Variants in SRGN observed in about 807,000 individuals in gnomAD.
The protein encoded by SRGN is hematopoetic proteoglycan core peptide.
SRGN carries 2 observed loss-of-function variants against 9.5 expected under a neutral mutation model. That is an observed-to-expected ratio of 0.21 (90% CI 0.09 to 0.66). SRGN has a LOEUF of 0.66. Among genes scored for constraint, SRGN ranks in the 30% least tolerant of loss-of-function variants. The probability of loss-of-function intolerance (pLI) is 0.83; values close to 1 mark genes in which losing one functional copy is unlikely to be tolerated. For missense variants in SRGN, 170 were observed against 192.4 expected (o/e 0.88, Z 0.69); for synonymous variants, 59 against 72.3 (o/e 0.82, Z 0.93).
chr10:69,098,037 G>A (rs1045011225), intron 2 of SRGN, among the ~76,000 whole-genome samples: 3 of 152,202 alleles, frequency 2.0e-5, no homozygotes. Context: ...TGACATGTGC[G>A]AGTATACATG....
chr10:69,104,180 T>C lies in SRGN; in HGVS notation c.*60T>C. 1 of 1,546,876 alleles carries C rather than the reference T, an allele frequency of 6.5e-7. No individual in the cohort carries two copies. The highest frequency in any genetic ancestry group is 8.7e-7 in the Non-Finnish European group (1 of 1,143,842). On this transcript the variant is annotated 3_prime_UTR_variant, in exon 3 of 3. Transcript: ENST00000242465. Reference sequence around the variant, plus strand: ...AGTTAGCATATTTTATGTACCATGGTTATATGATTAATCTTGGGACAAAGA... The same window carrying C: ...AGTTAGCATATTTTATGTACCATGGCTATATGATTAATCTTGGGACAAAGA...
chr10:69,102,346 T>A (rs977745743), intron 2 of SRGN, among the ~76,000 whole-genome samples: 1 of 152,212 alleles, frequency 6.6e-6, no homozygotes, highest in African/African-American at 2.4e-5. Flanking sequence ...ATTTCATTTC[T>A]CTGTGCCACC....
At position 69,097,175 on chromosome 10, in the gene SRGN, C is replaced by T; in HGVS notation, c.171C>T (p.Phe57=). ...GCCTTGAAGAAAAAGGACCAATGTT[C>T]GAACTACTTCCAGGTGAATCCAACA... is the stretch of plus-strand genomic sequence containing the variant. The part of the protein sequence containing the change: ...ANCLEEKGPM[F]ELLPGESNKI... The change falls in exon 2 of 3, where the codon TTC becomes TTT. Residue 57 remains phenylalanine (F), a synonymous_variant. Transcript: ENST00000242465. 6.2e-7 allele frequency: 1 copy of T among 1,614,042 alleles called. No homozygotes were observed. Among genetic ancestry groups the T allele is most frequent in the Non-Finnish European group, 8.5e-7 (1 of 1,179,960 alleles).
At chr10:69,088,639 C>T (rs952674356) in intron 1 of SRGN, among the ~76,000 whole-genome samples, 10 of 151,862 alleles carry the variant, frequency 6.6e-5, no homozygotes, top group African/African-American at 1.7e-4. Context: ...TGCGCTGTGA[C>T]GGTGTCATTG....
intron 1 of SRGN, among the ~76,000 whole-genome samples, chr10:69,091,896 A>AAAG (rs1840065848): frequency 3.0e-5 from 3 of 98,478 alleles, no homozygotes; most frequent in African/African-American, 8.7e-5. Context: ...AAAAAAAAAA[A>AAAG]AAAAAAAAAA....
At chr10:69,088,085 G>GA, upstream of SRGN, 1 of 1,313,068 alleles carries the variant, frequency 7.6e-7, no homozygotes, top group Non-Finnish European at 1.1e-6. Flanking sequence ...TTCTAAAAGG[G>GA]ACAGAGAGCA....
In SRGN at chr10:69,088,127, G is replaced by C; in HGVS notation, c.-31G>C. 6.3e-7 allele frequency: 1 copy of C among 1,597,846 alleles called. No individual in the cohort carries two copies. Among genetic ancestry groups the C allele is most frequent in the African/African-American group, 1.3e-5 (1 of 74,708 alleles). Reference sequence around the variant, plus strand: ...TACATTTCCTAATCAAGAAGTTGGCGTGCAGCTGGGAGAGCTAGACTAAGT... The same window carrying C: ...TACATTTCCTAATCAAGAAGTTGGCCTGCAGCTGGGAGAGCTAGACTAAGT... On this transcript the variant is annotated 5_prime_UTR_variant, in exon 1 of 3. Coordinates refer to ENST00000242465, the MANE Select transcript of SRGN (RefSeq NM_002727.4).
chr10:69,095,528 T>C (rs1243365682), intron 1 of SRGN, among the ~76,000 whole-genome samples: 1 of 152,088 alleles, frequency 6.6e-6, no homozygotes, highest in Non-Finnish European at 1.5e-5. Flanking sequence ...AGATGAACTT[T>C]TTGAAGGGCG....
At chr10:69,102,621 G>A (rs1428102281) in intron 2 of SRGN, among the ~76,000 whole-genome samples, 1 of 152,136 alleles carries the variant, frequency 6.6e-6, no homozygotes, top group Non-Finnish European at 1.5e-5. Flanking sequence ...TTGTTGCCCT[G>A]TTCTGTCACC....
Position 69,097,075 on chromosome 10 carries a change from C to T in SRGN, c.80-9C>T, listed in dbSNP as rs1381659390. On this transcript the variant is annotated splice_polypyrimidine_tract_variant and intron_variant, in intron 1 of 2. Coordinates refer to ENST00000242465, the MANE Select transcript of SRGN (RefSeq NM_002727.4). ...AGATACTTAGTAACAATGTGGGTTC[C>T]TCGGGCAGGTTATCCTACGCGGAGA... is the stretch of plus-strand genomic sequence containing the variant. The T allele has an allele frequency of 1.2e-6, 2 of 1,612,960 alleles. No individual in the cohort carries two copies. Among genetic ancestry groups the T allele is most frequent in the South Asian group, 1.1e-5 (1 of 90,938 alleles).
chr10:69,091,520 T>C (rs1254632728), intron 1 of SRGN, among the ~76,000 whole-genome samples: 1 of 152,136 alleles, frequency 6.6e-6, no homozygotes, highest in Non-Finnish European at 1.5e-5. Flanking sequence ...AATGGTCTTC[T>C]TTTCCCCTTC....
intron 2 of SRGN, chr10:69,098,754 G>A (rs2132159038): frequency 6.6e-6 from 1 of 152,274 alleles, no homozygotes; most frequent in South Asian, 2.1e-4. Flanking sequence ...AGCCCAGGAG[G>A]TTTGGGACCA....
At chr10:69,099,788 T>G (rs1840253408) in intron 2 of SRGN, among the ~76,000 whole-genome samples, 1 of 152,230 alleles carries the variant, frequency 6.6e-6, no homozygotes, top group South Asian at 2.1e-4. Context: ...ATCATTGGTT[T>G]CAATAGTAAT....
At chr10:69,088,320 T>C (rs1041227790) in intron 1 of SRGN, 84 bp downstream of exon 1, 7 of 1,176,812 alleles carry the variant, frequency 5.9e-6, no homozygotes, top group Admixed American at 3.6e-5. Context: ...TTTTAAGGCA[T>C]AGAATGTATA....
At chr10:69,097,392 C>T (rs1840197328) in intron 2 of SRGN, among the ~76,000 whole-genome samples, 161 bp downstream of exon 2, 1 of 150,768 alleles carries the variant, frequency 6.6e-6, no homozygotes, top group Non-Finnish European at 1.5e-5. Context: ...TCTGGAGCAG[C>T]TGGGATTTCA....
chr10:69,098,136 A>G (rs1460258701), intron 2 of SRGN, among the ~76,000 whole-genome samples: 2 of 152,236 alleles, frequency 1.3e-5, no homozygotes, highest in Non-Finnish European at 2.9e-5. Context: ...ATGATTGAAC[A>G]TTGTTTTATT....
chr10:69,097,859 C>T (rs1589329655), intron 2 of SRGN, among the ~76,000 whole-genome samples: 1 of 152,164 alleles, frequency 6.6e-6, no homozygotes. Flanking sequence ...CCACTGTACC[C>T]GGCCTTTTCT....
chr10:69,089,332 G>A (rs753328288), intron 1 of SRGN, among the ~76,000 whole-genome samples: 22 of 152,240 alleles, frequency 1.4e-4, no homozygotes, highest in Middle Eastern at 6.8e-3. Flanking sequence ...GTCAATTGTA[G>A]GGAACAGGCT....
rs2132162749 is a variant in SRGN, at chr10:69,103,936, T to C, written c.293T>C (p.Phe98Ser). 1.2e-6 allele frequency: 2 copies of C among 1,614,224 alleles called. No homozygotes were observed. Among genetic ancestry groups the C allele is most frequent in the East Asian group, 2.2e-5 (1 of 44,886 alleles). Residue 98 changes from phenylalanine (F) to serine (S), a missense_variant, in exon 3 of 3, where the codon TTC (phenylalanine) becomes TCC (serine). Phe to Ser is a radical substitution (Grantham distance 155). Transcript: ENST00000242465. ...TCTGAGGACTACTCTGGATCAGGCT[T>C]CGGCTCCGGCTCCGGCTCTGGATCA... ...PLSEDYSGSG[F>S]GSGSGSGSGS...
Sources: gnomAD v4.1 joint callset for allele counts (sites outside exome capture counted in the v4.1 genomes callset) on GRCh38, gnomAD v4.1.1 for gene constraint, MANE v1.5 for transcripts, NCBI Gene and HGNC (gene_info 2026-07-23, HGNC 2026-07-21) for gene names.